The following KCNB2 variants were observed in gnomAD, a reference collection of about 807,000 sequenced individuals.
The protein encoded by KCNB2 is potassium voltage-gated channel subfamily B member 2.
KCNB2 carries 15 observed loss-of-function variants against 61.5 expected under a neutral mutation model. That is an observed-to-expected ratio of 0.24 (90% CI 0.16 to 0.38). The LOEUF is 0.38. Ranked by LOEUF, KCNB2 falls within the 10% of genes least tolerant of loss-of-function variation. The pLI is 1.00. For missense variants in KCNB2, 828 were observed against 1,125.2 expected (o/e 0.74, Z 3.78); for synonymous variants, 457 against 446.0 (o/e 1.02, Z -0.31).
chr8:72,770,597 G>C (rs188891865), intron 2 of KCNB2, among the ~76,000 whole-genome samples: 33 of 152,236 alleles, frequency 2.2e-4, no homozygotes, highest in Admixed American at 1.3e-3. Flanking sequence ...ATATAATCTA[G>C]GGCAAGTTAC....
rs546947961 is a variant in KCNB2 at position 72,846,572 on chromosome 8, A to G, written c.580-89363A>G. Among the ~76,000 whole-genome samples, 10 of 152,256 alleles carry G rather than the reference A, an allele frequency of 6.6e-5. No homozygotes were observed. The East Asian group carries it at 1.7e-3, about 26-fold the overall frequency. On this transcript the variant is annotated intron_variant, in intron 2 of 2. Coordinates refer to ENST00000523207, the MANE Select transcript of KCNB2 (RefSeq NM_004770.3). ...AACAAATTTACAAAAAAAAAGAAAA[A>G]AAAAACCATCAAAAAGTGGGCAAAG...
intron 2 of KCNB2, among the ~76,000 whole-genome samples, chr8:72,626,981 T>C (rs1192023315): frequency 1.3e-5 from 2 of 152,240 alleles, no homozygotes; most frequent in African/African-American, 4.8e-5. Context: ...CTCTAAGGGC[T>C]ATTGTTCTAA....
intron 2 of KCNB2, among the ~76,000 whole-genome samples, chr8:72,850,138 G>T (rs1585930631): frequency 6.6e-6 from 1 of 151,778 alleles, no homozygotes; most frequent in African/African-American, 2.4e-5. Flanking sequence ...ATAATTAAAG[G>T]TATTTAGGAT....
intron 2 of KCNB2, among the ~76,000 whole-genome samples, chr8:72,815,794 C>T (rs1439956454): frequency 6.6e-6 from 1 of 152,040 alleles, no homozygotes; most frequent in Non-Finnish European, 1.5e-5. Context: ...CAATTTTGTC[C>T]TTGAGGAAGG....
chr8:72,804,286 C>T (rs566161333), intron 2 of KCNB2, among the ~76,000 whole-genome samples: 1 of 152,094 alleles, frequency 6.6e-6, no homozygotes. Context: ...GCCTTCCTCC[C>T]GGTTTTTTTT....
intron 2 of KCNB2, among the ~76,000 whole-genome samples, chr8:72,839,925 T>A (rs28524588): frequency 0.28 from 43,084 of 151,430 alleles, 6,247 homozygotes; most frequent in South Asian, 0.41. Context: ...TTTTTTTTTT[T>A]AATACTTTAA....
chr8:72,624,996 C>A (rs1408225670), intron 2 of KCNB2, among the ~76,000 whole-genome samples: 1 of 152,174 alleles, frequency 6.6e-6, no homozygotes, highest in Non-Finnish European at 1.5e-5. Context: ...ACATTAGGAA[C>A]TGAATTCCAC....
intron 2 of KCNB2, among the ~76,000 whole-genome samples, chr8:72,675,720 A>G (rs1027592076): frequency 4.6e-5 from 7 of 151,946 alleles, no homozygotes; most frequent in African/African-American, 1.7e-4. Context: ...CACTCGGCTG[A>G]TTTTTGTATT....
At chr8:72,718,523 A>T (rs1388343328) in intron 2 of KCNB2, among the ~76,000 whole-genome samples, 2 of 152,188 alleles carry the variant, frequency 1.3e-5, no homozygotes, top group East Asian at 1.9e-4. Flanking sequence ...AGGGACATGG[A>T]TGAAGCTGGA....
chr8:72,632,688 G>A (rs1805899312), intron 2 of KCNB2, among the ~76,000 whole-genome samples: 1 of 152,126 alleles, frequency 6.6e-6, no homozygotes, highest in African/African-American at 2.4e-5. Context: ...GAATCACGCA[G>A]CTAATTAGTA....
intron 2 of KCNB2, among the ~76,000 whole-genome samples, chr8:72,676,064 G>C (rs930214106): frequency 6.6e-6 from 1 of 152,108 alleles, no homozygotes; most frequent in African/African-American, 2.4e-5. Flanking sequence ...ATTGCAAACT[G>C]GTTGAGTTGT....
intron 2 of KCNB2, among the ~76,000 whole-genome samples, chr8:72,592,155 C>G (rs557668215): frequency 1.3e-5 from 2 of 152,144 alleles, no homozygotes; most frequent in African/African-American, 4.8e-5. Flanking sequence ...TACATAGAAA[C>G]ATAGAAAGAG....
At chr8:72,676,391 A>G (rs181590089) in intron 2 of KCNB2, among the ~76,000 whole-genome samples, 591 of 152,010 alleles carry the variant, frequency 3.9e-3, no homozygotes, top group Non-Finnish European at 6.2e-3. Context: ...CATCGTGGAA[A>G]GACTCCACCA....
intron 2 of KCNB2, among the ~76,000 whole-genome samples, chr8:72,896,908 A>G (rs1420223374): frequency 6.6e-6 from 1 of 152,150 alleles, no homozygotes; most frequent in Non-Finnish European, 1.5e-5. Context: ...GTCAATATCT[A>G]TGTACCCCAA....
intron 2 of KCNB2, among the ~76,000 whole-genome samples, chr8:72,780,244 G>A (rs1808732051): frequency 6.6e-6 from 1 of 152,118 alleles, no homozygotes; most frequent in African/African-American, 2.4e-5. Context: ...TTTAACAAAT[G>A]AAGACCAAGA....
At chr8:72,670,122 A>G (rs1411234603) in intron 2 of KCNB2, among the ~76,000 whole-genome samples, 3 of 152,222 alleles carry the variant, frequency 2.0e-5, no homozygotes, top group Non-Finnish European at 4.4e-5. Context: ...CCTGGGTACT[A>G]TCTTCCTTGT....
At chr8:72,915,794 C>G (rs1806387995) in intron 2 of KCNB2, among the ~76,000 whole-genome samples, 1 of 152,218 alleles carries the variant, frequency 6.6e-6, no homozygotes, top group African/African-American at 2.4e-5. Context: ...TGGTGGGTGC[C>G]TGTAGTCCCA....
intron 2 of KCNB2, among the ~76,000 whole-genome samples, chr8:72,823,354 T>A (rs1238299330): frequency 3.3e-5 from 5 of 152,154 alleles, no homozygotes; most frequent in Admixed American, 3.3e-4. Context: ...GGTAAAGGTT[T>A]TATGAAGCAA....
chr8:72,915,257 G>A (rs989347672), intron 2 of KCNB2, among the ~76,000 whole-genome samples: 2 of 152,072 alleles, frequency 1.3e-5, no homozygotes, highest in Admixed American at 6.6e-5. Flanking sequence ...GAAGCTGCAG[G>A]GAGAATGAAA....
Sources: allele counts gnomAD v4.1 joint callset (sites outside exome capture counted in the v4.1 genomes callset), GRCh38; gene constraint gnomAD v4.1.1; transcripts MANE v1.5; gene names NCBI Gene and HGNC (gene_info 2026-07-23, HGNC 2026-07-21).